The following COBL variants were observed in gnomAD, a reference collection of about 807,000 sequenced individuals.
COBL encodes the protein protein cordon-bleu.
A neutral mutation model predicts 98.8 loss-of-function variants in COBL; 51 were observed. The ratio of observed to expected loss-of-function variants is 0.52; its 90% CI spans 0.41 to 0.65. COBL has a LOEUF of 0.65. Ranked by LOEUF, COBL falls within the 30% of genes least tolerant of loss-of-function variation. COBL has a pLI of 0.00. For synonymous variants in COBL, 634 were observed against 651.7 expected (o/e 0.97, Z 0.41); for missense variants, 1,617 against 1,617.5 (o/e 1.00, Z 0.01).
At chr7:51,313,807 T>G (rs932609255) in intron 1 of COBL, among the ~76,000 whole-genome samples, 5 of 152,200 alleles carry the variant, frequency 3.3e-5, no homozygotes, top group Non-Finnish European at 7.3e-5. Context: ...AGTAGAGAGT[T>G]AAATATACTT....
At chr7:51,103,846 C>T (rs1796023433) in intron 6 of COBL, among the ~76,000 whole-genome samples, 1 of 152,386 alleles carries the variant, frequency 6.6e-6, no homozygotes, top group East Asian at 1.9e-4. Context: ...TCAAACCATG[C>T]AGAGCTGGAA....
chr7:51,272,652 C>T (rs1002696076), intron 1 of COBL, among the ~76,000 whole-genome samples: 5 of 152,094 alleles, frequency 3.3e-5, no homozygotes, highest in African/African-American at 1.2e-4. Flanking sequence ...AGTGAAATTG[C>T]GCTTGGACCT....
intron 1 of COBL, among the ~76,000 whole-genome samples, chr7:51,316,217 G>A (rs1584483794): frequency 6.6e-6 from 1 of 152,162 alleles, no homozygotes; most frequent in East Asian, 1.9e-4. Context: ...AAGGCCGGGC[G>A]TCCCCTCGCT....
At chr7:51,228,712 T>C (rs1794440740) in intron 1 of COBL, among the ~76,000 whole-genome samples, 2 of 152,078 alleles carry the variant, frequency 1.3e-5, no homozygotes, top group South Asian at 2.1e-4. Context: ...CAAGTAAATA[T>C]TCAAAGAGGA....
At chr7:51,185,682 C>T (rs1187657165) in intron 4 of COBL, among the ~76,000 whole-genome samples, 1 of 152,188 alleles carries the variant, frequency 6.6e-6, no homozygotes. Flanking sequence ...AGCTCTATAC[C>T]ATTGGTGGCA....
intron 1 of COBL, among the ~76,000 whole-genome samples, chr7:51,244,593 G>A (rs1169816729): frequency 5.3e-5 from 8 of 151,938 alleles, no homozygotes; most frequent in Non-Finnish European, 7.4e-5. Context: ...CCTCTCCTAC[G>A]GCCACTCTCT....
intron 1 of COBL, among the ~76,000 whole-genome samples, chr7:51,224,337 G>A (rs530326745): frequency 3.3e-5 from 5 of 151,700 alleles, no homozygotes; most frequent in South Asian, 2.1e-4. Flanking sequence ...GAAACACTGC[G>A]TACTTATAAA....
chr7:51,211,510 T>C (rs188340228), intron 2 of COBL, among the ~76,000 whole-genome samples: 9 of 152,356 alleles, frequency 5.9e-5, no homozygotes, highest in African/African-American at 2.2e-4. Flanking sequence ...CAGTACTTGC[T>C]AAATAAATGA....
intron 5 of COBL, among the ~76,000 whole-genome samples, chr7:51,152,356 C>A (rs191573549): frequency 1.3e-5 from 2 of 152,048 alleles, no homozygotes; most frequent in African/African-American, 4.8e-5. Context: ...TCTTAGCTAC[C>A]CTGAATCCCA....
chr7:51,310,335 G>C (rs768021762), intron 1 of COBL, among the ~76,000 whole-genome samples: 1 of 152,160 alleles, frequency 6.6e-6, no homozygotes, highest in Non-Finnish European at 1.5e-5. Flanking sequence ...TTTCACCTTG[G>C]ACAACTGGCA....
At chr7:51,140,947 T>A (rs1206831794) in intron 5 of COBL, among the ~76,000 whole-genome samples, 33 of 152,148 alleles carry the variant, frequency 2.2e-4, no homozygotes, top group Admixed American at 2.2e-3. Context: ...CCAAAATTCT[T>A]GAAGATATCC....
chr7:51,159,497 C>T (rs996016654), intron 5 of COBL, among the ~76,000 whole-genome samples: 2 of 152,196 alleles, frequency 1.3e-5, no homozygotes, highest in Non-Finnish European at 2.9e-5. Flanking sequence ...AACTTAAATC[C>T]ATGTGCAGGC....
chr7:51,134,133 T>C (rs1037605320), intron 6 of COBL, among the ~76,000 whole-genome samples: 2 of 152,216 alleles, frequency 1.3e-5, no homozygotes, highest in East Asian at 1.9e-4. Context: ...GAAGAAGGAA[T>C]TGACGTTCTT....
chr7:51,118,351 G>A (rs1470769990), intron 6 of COBL, among the ~76,000 whole-genome samples: 1 of 152,088 alleles, frequency 6.6e-6, no homozygotes, highest in African/African-American at 2.4e-5. Context: ...GTGTCAGCAG[G>A]CTGTGTTTCT....
rs71021763 is a variant in COBL, at chr7:51,284,129, C to CAAA, written c.41+32461_41+32463dup. Among the ~76,000 whole-genome samples the CAAA allele has an allele frequency of 5.3e-4, 35 of 66,226 alleles. 1 individual carries two copies. The highest frequency in any genetic ancestry group is 2.7e-3 in the East Asian group (4 of 1,468). The allele number at this position is 66,226 out of a possible 152,430, so 43.4% of individuals were successfully genotyped here. A position where few individuals can be genotyped will look rare whatever the true frequency, so the allele number is the denominator to read the frequency against. On this transcript the variant is annotated intron_variant, in intron 1 of 12. Transcript: ENST00000265136. The stretch of plus-strand genomic sequence containing the variant: ...TGAAACCTCGTCTCTACCAAAAATA[C>CAAA]AAAAAAAAAAAAAAAAAAAAAAAGC...
intron 5 of COBL, among the ~76,000 whole-genome samples, chr7:51,167,369 A>G (rs541964914): frequency 2.0e-5 from 3 of 152,294 alleles, no homozygotes; most frequent in South Asian, 4.1e-4. Flanking sequence ...AATATTAAAT[A>G]CTTAGGAATT....
At chr7:51,099,656 G>A (rs1303442390) in intron 6 of COBL, among the ~76,000 whole-genome samples, 1 of 152,112 alleles carries the variant, frequency 6.6e-6, no homozygotes, top group Non-Finnish European at 1.5e-5. Flanking sequence ...AAAAGTTCTA[G>A]TGATCTAGAG....
chr7:51,048,630 TGA>T (rs1266174518), intron 7 of COBL, among the ~76,000 whole-genome samples: 1 of 152,046 alleles, frequency 6.6e-6, no homozygotes, highest in Non-Finnish European at 1.5e-5. Context: ...ACTTTATGCT[TGA>T]GTTTTTTTTT....
At chr7:51,315,483 G>T (rs1193564885) in intron 1 of COBL, among the ~76,000 whole-genome samples, 2 of 152,222 alleles carry the variant, frequency 1.3e-5, no homozygotes, top group Non-Finnish European at 2.9e-5. Context: ...CAGAAAAAAA[G>T]ATTTGTTGTC....
Sources: allele counts gnomAD v4.1 joint callset (sites outside exome capture counted in the v4.1 genomes callset), GRCh38; gene constraint gnomAD v4.1.1; transcripts MANE v1.5; gene names NCBI Gene and HGNC (gene_info 2026-07-23, HGNC 2026-07-21).